ADAMTS2: variants seen among roughly 807,000 people sequenced by gnomAD.
ADAMTS2 encodes ADAM metallopeptidase with thrombospondin type 1 motif 2.
In ADAMTS2, 50 loss-of-function variants were observed where a neutral mutation model predicts 123.0. That is an observed-to-expected ratio of 0.41 (90% CI 0.32 to 0.51). ADAMTS2 has a LOEUF of 0.51. Ranked by LOEUF, ADAMTS2 falls within the 20% of genes least tolerant of loss-of-function variation. The probability of loss-of-function intolerance (pLI) is 0.35; values close to 1 mark genes in which losing one functional copy is unlikely to be tolerated. For missense variants in ADAMTS2, 1,494 were observed against 1,705.2 expected (o/e 0.88, Z 2.18); for synonymous variants, 678 against 695.4 (o/e 0.98, Z 0.39).
intron 2 of ADAMTS2, among the ~76,000 whole-genome samples, chr5:179,304,983 G>A (rs1756631971): frequency 6.6e-6 from 1 of 151,632 alleles, no homozygotes; most frequent in African/African-American, 2.4e-5. Context: ...GGGGAAAAAT[G>A]GTTCAGATAA....
intron 2 of ADAMTS2, among the ~76,000 whole-genome samples, chr5:179,333,594 C>CTTT (rs1757532715): frequency 2.6e-5 from 3 of 115,314 alleles, no homozygotes; most frequent in Admixed American, 9.8e-5. Context: ...TGGTTTTTTT[C>CTTT]TGTTTTTTTT....
In ADAMTS2 at chr5:179,314,702, G is replaced by A. The variant is rs1461218944; in HGVS notation, c.534+29065C>T. Among the ~76,000 whole-genome samples, 6 of 152,028 alleles carry A rather than the reference G, an allele frequency of 3.9e-5. No homozygotes were observed. The highest frequency in any genetic ancestry group is 3.9e-4 in the East Asian group (2 of 5,164). On this transcript the variant is annotated intron_variant, in intron 2 of 21. Coordinates refer to ENST00000251582, the MANE Select transcript of ADAMTS2 (RefSeq NM_014244.5). This position sits in a 1 kb window ranked among gnomAD's most constrained non-coding sequence, Gnocchi z 4.5. ...AGCCCCTGATTCTGGGGGCTTCCAC[G>A]CTCTTCCACCAAGCCCTTGTAGCCT...
chr5:179,327,461 C>T (rs995910908), intron 2 of ADAMTS2, among the ~76,000 whole-genome samples: 3 of 152,166 alleles, frequency 2.0e-5, no homozygotes, highest in Admixed American at 1.3e-4. Flanking sequence ...CAACCCTGTG[C>T]ATGCCCGGTG....
At chr5:179,247,672 TAAC>T (rs765616652) in intron 3 of ADAMTS2, among the ~76,000 whole-genome samples, 1 of 152,120 alleles carries the variant, frequency 6.6e-6, no homozygotes, top group Admixed American at 6.5e-5. Flanking sequence ...TCAATGAGCT[TAAC>T]AACTGATTTG....
chr5:179,195,470 C>T (rs1307164194), intron 4 of ADAMTS2, among the ~76,000 whole-genome samples: 1 of 152,222 alleles, frequency 6.6e-6, no homozygotes. Context: ...CTGTGGCCCA[C>T]ATTGAAAAAT....
In ADAMTS2 at chr5:179,114,377, G is replaced by T. The variant is rs1177252017; in HGVS notation, c.3179-53C>A. 5.2e-5 allele frequency: 80 copies of T among 1,549,206 alleles called. No individual in the cohort carries two copies. The South Asian group carries it at 9.2e-4, about 18-fold the overall frequency. On this transcript the variant is annotated intron_variant, in intron 21 of 21. Coordinates refer to ENST00000251582, the MANE Select transcript of ADAMTS2 (RefSeq NM_014244.5). ...CAAAGGACAAGATAAGGGGGACTTT[G>T]TTCCCCCACAGGGTGCAGCTTGCTG...
At chr5:179,152,405 G>T (rs997081609) in intron 9 of ADAMTS2, 150 bp from the exon 10 acceptor site, 1 of 793,562 alleles carries the variant, frequency 1.3e-6, no homozygotes, top group Non-Finnish European at 2.1e-6. Context: ...TGATTCTGGG[G>T]TGGTGAAGAC....
intron 2 of ADAMTS2, among the ~76,000 whole-genome samples, chr5:179,287,901 C>T (rs1561690506): frequency 6.6e-6 from 1 of 152,208 alleles, no homozygotes; most frequent in Admixed American, 6.5e-5. Context: ...CAGGCTGGGA[C>T]GCAGCCCGCC....
Position 179,122,650 on chromosome 5 carries a change from A to C in ADAMTS2, c.3082T>G (p.Cys1028Gly). The change falls in exon 20 of 22, where the codon TGT (cysteine) becomes GGT (glycine). Residue 1028 changes from cysteine (C) to glycine (G), a missense_variant. Coordinates refer to ENST00000251582, the MANE Select transcript of ADAMTS2 (RefSeq NM_014244.5). ...GGGGCTGCAGGTGGCTTACGGGGAC[A>C]GGGGCCAAGCCTGCAGGTCCTCGCT... ...ETARTCRLGP[C>G]PRNISDPSKK... The C allele has an allele frequency of 6.4e-7, 1 of 1,551,038 alleles. No homozygotes were observed. Among genetic ancestry groups the C allele is most frequent in the Non-Finnish European group, 8.7e-7 (1 of 1,147,420 alleles).
rs201102027 is a variant in ADAMTS2, at chr5:179,223,226, A to G, written c.689-15511T>C. On this transcript the variant is annotated intron_variant, in intron 3 of 21. Transcript: ENST00000251582. ...CAGTGATCACTCCTCAGACACATGC[A>G]CACACACACATGCACGCAGTCACAT... Among the ~76,000 whole-genome samples, 5 of 152,216 alleles carry G rather than the reference A, an allele frequency of 3.3e-5. No homozygotes were observed. The South Asian group carries it at 1.0e-3, about 32-fold the overall frequency.
rs146295427 is a variant in ADAMTS2 at position 179,189,510 on chromosome 5, G to GTTTTT, written c.892-8360_892-8356dup. ...CTACAGGCGCCCGCCAGTGCGCCTG[G>GTTTTT]TTTTTTTTTTTTTTTTTTTTTTTTT... On this transcript the variant is annotated intron_variant, in intron 4 of 21. Coordinates refer to ENST00000251582, the MANE Select transcript of ADAMTS2 (RefSeq NM_014244.5). The surrounding 1 kb of genome is among the most constrained non-coding windows in gnomAD (Gnocchi z 4.2). Among the ~76,000 whole-genome samples the GTTTTT allele has an allele frequency of 1.6e-4, 13 of 78,934 alleles. No homozygotes were observed. Among genetic ancestry groups the GTTTTT allele is most frequent in the Non-Finnish European group, 2.0e-4 (8 of 39,978 alleles). 51.8% of individuals were successfully genotyped at this position (78,934 alleles called of 152,430 possible).
intron 5 of ADAMTS2, among the ~76,000 whole-genome samples, chr5:179,165,572 C>T (rs1465328877): frequency 1.3e-5 from 2 of 152,166 alleles, no homozygotes; most frequent in Non-Finnish European, 2.9e-5. Flanking sequence ...AAGGGGGTGG[C>T]TGCAGGACCA....
rs763205559 is a variant in ADAMTS2 at position 179,296,765 on chromosome 5, G to A, written c.535-23701C>T. On this transcript the variant is annotated intron_variant, in intron 2 of 21. Coordinates refer to ENST00000251582, the MANE Select transcript of ADAMTS2 (RefSeq NM_014244.5). ...GACCAGCTGCCTGCCTGCTCCCAGGGTGGACAGGGGACAAGTCAAGCATAA... is the reference window on the plus strand; with the variant it reads ...GACCAGCTGCCTGCCTGCTCCCAGGATGGACAGGGGACAAGTCAAGCATAA... Among the ~76,000 whole-genome samples, 4 of 152,064 alleles carry A rather than the reference G, an allele frequency of 2.6e-5. No homozygotes were observed. In the South Asian group the frequency reaches 8.3e-4, roughly 31 times the overall value.
chr5:179,179,692 C>G (rs1764004060), intron 5 of ADAMTS2, among the ~76,000 whole-genome samples: 1 of 152,194 alleles, frequency 6.6e-6, no homozygotes, highest in African/African-American at 2.4e-5. Context: ...CAACTGGCAT[C>G]CGCCCTGTGG....
At chr5:179,322,266 G>C (rs1757204400) in intron 2 of ADAMTS2, among the ~76,000 whole-genome samples, 1 of 152,238 alleles carries the variant, frequency 6.6e-6, no homozygotes, top group Non-Finnish European at 1.5e-5. Context: ...AAATCTGATG[G>C]GACCCAGCGC....
chr5:179,164,423 C>G (rs1006507534), intron 5 of ADAMTS2, among the ~76,000 whole-genome samples: 2 of 152,126 alleles, frequency 1.3e-5, no homozygotes, highest in Non-Finnish European at 2.9e-5. Context: ...GCTGGTGCCA[C>G]GTCAGGAGGG....
At chr5:179,236,439 C>T (rs1269671090) in intron 3 of ADAMTS2, among the ~76,000 whole-genome samples, 1 of 152,138 alleles carries the variant, frequency 6.6e-6, no homozygotes, top group African/African-American at 2.4e-5. Flanking sequence ...TCAATGAAAG[C>T]CAGAGGTGCT....
At chr5:179,219,466 AG>A (rs1203151460) in intron 3 of ADAMTS2, among the ~76,000 whole-genome samples, 3 of 152,206 alleles carry the variant, frequency 2.0e-5, no homozygotes, top group Admixed American at 6.5e-5. Context: ...TGAACGATTG[AG>A]GCATCAGACC....
chr5:179,321,906 T>C lies in ADAMTS2; in HGVS notation c.534+21861A>G, dbSNP rs76407027. Among the ~76,000 whole-genome samples the C allele has an allele frequency of 1.1e-3, 160 of 152,242 alleles. 1 individual carries two copies. Among genetic ancestry groups the C allele is most frequent in the African/African-American group, 3.8e-3 (156 of 41,524 alleles). On this transcript the variant is annotated intron_variant, in intron 2 of 21. Transcript: ENST00000251582. ...GTGCCTGGAGATCCCGGCCTCTCCA[T>C]GTTTCCTGAGTAGATTATGCTGCCT...
Sources: gnomAD v4.1 joint callset for allele counts (sites outside exome capture counted in the v4.1 genomes callset) on GRCh38, gnomAD v4.1.1 for gene constraint, Gnocchi (gnomAD v3.1) non-coding constraint, MANE v1.5 for transcripts, NCBI Gene and HGNC (gene_info 2026-07-23, HGNC 2026-07-21) for gene names.